TESK2: variants seen among roughly 807,000 people sequenced by gnomAD.
The protein encoded by TESK2 is dual specificity testis-specific protein kinase 2.
TESK2 carries 39 observed loss-of-function variants against 57.1 expected under a neutral mutation model. That is an observed-to-expected ratio of 0.68 (90% confidence interval 0.53 to 0.89). The LOEUF is 0.89. Among genes scored for constraint, TESK2 ranks in the 40% least tolerant of loss-of-function variants. The pLI is 0.00. For synonymous variants in TESK2, 249 were observed against 267.9 expected (o/e 0.93, Z 0.69); for missense variants, 646 against 732.1 (o/e 0.88, Z 1.36).
intron 4 of TESK2, chr1:45,385,496 T>G: frequency 8.2e-6 from 2 of 244,980 alleles, no homozygotes; most frequent in Non-Finnish European, 1.3e-5. Flanking sequence ...GTCTGGTAAT[T>G]TGTTGCCATA....
At chr1:45,355,977 T>C (rs1168789109) in intron 4 of TESK2, among the ~76,000 whole-genome samples, 1 of 152,192 alleles carries the variant, frequency 6.6e-6, no homozygotes, top group Non-Finnish European at 1.5e-5. Flanking sequence ...ATCCTGTCTA[T>C]AGGAAACAAA....
intron 1 of TESK2, among the ~76,000 whole-genome samples, chr1:45,483,863 G>A (rs1446342864): frequency 6.6e-6 from 1 of 151,696 alleles, no homozygotes; most frequent in East Asian, 1.9e-4. Context: ...CAGGCATGGT[G>A]GCATGCACCT....
chr1:45,427,968 A>C (rs561611273), intron 2 of TESK2, among the ~76,000 whole-genome samples: 12 of 152,348 alleles, frequency 7.9e-5, no homozygotes, highest in Non-Finnish European at 1.6e-4. Context: ...ATTTATCCCA[A>C]TGTGATTATT....
chr1:45,487,137 T>C (rs773118989), intron 1 of TESK2, among the ~76,000 whole-genome samples: 1 of 152,068 alleles, frequency 6.6e-6, no homozygotes, highest in African/African-American at 2.4e-5. Context: ...CCAGCACATA[T>C]ATTTTAAACA....
chr1:45,401,169 G>C (rs931806929), intron 3 of TESK2, among the ~76,000 whole-genome samples: 54 of 152,064 alleles, frequency 3.6e-4, no homozygotes, highest in Admixed American at 8.5e-4. Flanking sequence ...GGCCAAGGCA[G>C]GTGGATCACC....
At chr1:45,440,040 A>G (rs1450003237) in intron 2 of TESK2, among the ~76,000 whole-genome samples, 1 of 151,662 alleles carries the variant, frequency 6.6e-6, no homozygotes, top group African/African-American at 2.4e-5. Flanking sequence ...GCTCACTGCA[A>G]TCTCTGCCTC....
intron 1 of TESK2, among the ~76,000 whole-genome samples, chr1:45,485,735 G>A (rs537725605): frequency 6.9e-6 from 1 of 145,968 alleles, no homozygotes; most frequent in South Asian, 2.2e-4. Flanking sequence ...TGGCCAGGCT[G>A]GTCTCGAACT....
intron 4 of TESK2, among the ~76,000 whole-genome samples, chr1:45,381,860 C>CTTTTTTT (rs748886310): frequency 1.6e-4 from 15 of 91,878 alleles, no homozygotes; most frequent in East Asian, 3.2e-4. Context: ...CATTCCTATT[C>CTTTTTTT]TTTTTTTTTT....
At chr1:45,455,315 C>G (rs1278906497) in intron 2 of TESK2, among the ~76,000 whole-genome samples, 1 of 152,206 alleles carries the variant, frequency 6.6e-6, no homozygotes, top group African/African-American at 2.4e-5. Context: ...AAGTCCCCCA[C>G]AGAGGAACGG....
At chr1:45,478,257 T>C (rs1187823319) in intron 1 of TESK2, among the ~76,000 whole-genome samples, 2 of 152,218 alleles carry the variant, frequency 1.3e-5, no homozygotes, top group Non-Finnish European at 2.9e-5. Flanking sequence ...TCAGTAATCA[T>C]CTCATGTGGG....
intron 3 of TESK2, among the ~76,000 whole-genome samples, chr1:45,387,245 A>G (rs1648938924): frequency 6.6e-6 from 1 of 152,124 alleles, no homozygotes; most frequent in African/African-American, 2.4e-5. Context: ...CTCTGCCATT[A>G]CCTAACTAAA....
chr1:45,475,554 T>G (rs1166315596), intron 1 of TESK2, among the ~76,000 whole-genome samples: 1 of 152,202 alleles, frequency 6.6e-6, no homozygotes, highest in African/African-American at 2.4e-5. Context: ...TTGCTATCAG[T>G]ACACAAAGAT....
chr1:45,345,249 C>T lies in TESK2; in HGVS notation c.1307G>A (p.Gly436Glu), dbSNP rs369028073. ...CTGCCAGTCAGCCAGGGGCATAGTTCCGGGCCCTGGTGCATCCAGGTCAAA... is the reference window on the plus strand; with the variant it reads ...CTGCCAGTCAGCCAGGGGCATAGTTTCGGGCCCTGGTGCATCCAGGTCAAA... The part of the protein sequence containing the change: ...LVFDLDAPGP[G>E]TMPLADWQEP... Residue 436 changes from glycine to glutamate, a missense_variant, in exon 11 of 11, where the codon GGA becomes GAA. Transcript: ENST00000372086. 5.6e-6 allele frequency: 9 copies of T among 1,614,074 alleles called. No individual in the cohort carries two copies. Among genetic ancestry groups the T allele is most frequent in the African/African-American group, 2.7e-5 (2 of 74,924 alleles).
At chr1:45,347,170 G>A (rs994275993) in intron 7 of TESK2, 108 bp from the exon 8 acceptor site, 34 of 897,730 alleles carry the variant, frequency 3.8e-5, no homozygotes, top group Non-Finnish European at 4.8e-5. Flanking sequence ...CCAGGCCTGG[G>A]CCATATTGCC....
intron 3 of TESK2, among the ~76,000 whole-genome samples, chr1:45,394,756 G>A (rs2492834): frequency 0.98 from 142,407 of 145,374 alleles, 69,825 homozygotes; most frequent in East Asian, 1. Flanking sequence ...CAATGGCTCA[G>A]TCTTGGTTCA....
intron 1 of TESK2, among the ~76,000 whole-genome samples, chr1:45,486,782 T>TACATACACACACACAC (rs1553160296): frequency 2.6e-4 from 30 of 115,868 alleles, no homozygotes; most frequent in Admixed American, 2.2e-3. Flanking sequence ...CCTCCCAGCA[T>TACATACACACACACAC]ACACACACAC....
chr1:45,365,909 T>C (rs1416841609), intron 4 of TESK2, among the ~76,000 whole-genome samples: 1 of 151,764 alleles, frequency 6.6e-6, no homozygotes, highest in African/African-American at 2.4e-5. Flanking sequence ...CTCCTGACCT[T>C]GTGATCCACC....
At position 45,433,547 on chromosome 1, in the gene TESK2, G is replaced by T. The variant is rs1300996538; in HGVS notation, c.223-11701C>A. On this transcript the variant is annotated intron_variant, in intron 2 of 10. Transcript: ENST00000372086. ...GAGAACTTGCAATATTAGTCTCTCT[G>T]TGCTTGGCTTATTTCACTTAACATA... 2.6e-5 allele frequency among the ~76,000 whole-genome samples: 4 copies of T among 152,128 alleles called. No homozygotes were observed. The East Asian group carries it at 7.7e-4, about 29-fold the overall frequency.
chr1:45,401,329 G>A (rs1362416066), intron 3 of TESK2, among the ~76,000 whole-genome samples: 6 of 150,878 alleles, frequency 4.0e-5, no homozygotes, highest in East Asian at 1.9e-4. Context: ...CTTGGGAGGC[G>A]GAGATTGCAG....
Sources: allele counts gnomAD v4.1 joint callset (sites outside exome capture counted in the v4.1 genomes callset), GRCh38; gene constraint gnomAD v4.1.1; transcripts MANE v1.5; gene names NCBI Gene and HGNC (gene_info 2026-07-23, HGNC 2026-07-21).